DPP4: variants seen among roughly 807,000 people sequenced by gnomAD.
DPP4 encodes the protein ADCP-2.
DPP4 carries 93 observed loss-of-function variants against 122.4 expected under a neutral mutation model. The ratio of observed to expected loss-of-function variants is 0.76; its 90% CI spans 0.64 to 0.90. The LOEUF is 0.90. DPP4 is among the 40% of genes least tolerant of loss of function. The pLI is 0.00. For synonymous variants in DPP4, 321 were observed against 302.9 expected, an observed-to-expected ratio of 1.06 and a Z score of -0.62; for missense variants, 914 against 907.3, an observed-to-expected ratio of 1.01 and a Z score of -0.09.
chr2:162,030,381 C>T (rs1178499117), intron 10 of DPP4, among the ~76,000 whole-genome samples: 1 of 152,200 alleles, frequency 6.6e-6, no homozygotes, highest in Admixed American at 6.5e-5. Flanking sequence ...TAATTCCTAA[C>T]AAAGTCACAA....
chr2:162,008,475 C>T, intron 22 of DPP4, 87 bp downstream of exon 22: 5 of 1,137,164 alleles, frequency 4.4e-6, no homozygotes, highest in South Asian at 3.8e-5. Flanking sequence ...GCTGTAAAAA[C>T]ACTGAAACTC....
intron 10 of DPP4, among the ~76,000 whole-genome samples, chr2:162,031,563 G>GA (rs1683551317): frequency 6.6e-6 from 1 of 152,134 alleles, no homozygotes; most frequent in South Asian, 2.1e-4. Context: ...CTTCTCCTGG[G>GA]AAGCACTGAC....
intron 12 of DPP4, among the ~76,000 whole-genome samples, chr2:162,021,036 T>C (rs1683107564): frequency 6.6e-6 from 1 of 152,198 alleles, no homozygotes; most frequent in African/African-American, 2.4e-5. Context: ...AACCTTTCAG[T>C]TTGGAGCAGT....
intron 2 of DPP4, among the ~76,000 whole-genome samples, chr2:162,069,403 C>T (rs1438742034): frequency 2.0e-5 from 3 of 152,310 alleles, no homozygotes; most frequent in South Asian, 2.1e-4. Context: ...TTGAAAGACA[C>T]GATCCAGCTC....
At chr2:162,030,408 T>G (rs545041343) in intron 10 of DPP4, among the ~76,000 whole-genome samples, 24 of 152,298 alleles carry the variant, frequency 1.6e-4, no homozygotes, top group African/African-American at 5.8e-4. Flanking sequence ...CTCATCCTCC[T>G]GTGGATTTCA....
intron 16 of DPP4, 44 bp downstream of exon 16, chr2:162,018,685 G>A (rs1304006226): frequency 6.2e-7 from 1 of 1,602,314 alleles, no homozygotes; most frequent in Admixed American, 1.7e-5. Context: ...TTCGAAGTGA[G>A]TAACAGCGGC....
At chr2:162,038,185 T>C (rs1026297187) in intron 8 of DPP4, 117 bp downstream of exon 8, 13 of 1,022,614 alleles carry the variant, frequency 1.3e-5, no homozygotes, top group Middle Eastern at 3.4e-4. Flanking sequence ...TCTGATGACA[T>C]TTTAAACAAT....
chr2:162,071,751 T>C (rs956248603), intron 2 of DPP4, among the ~76,000 whole-genome samples: 17 of 152,162 alleles, frequency 1.1e-4, no homozygotes, highest in African/African-American at 4.1e-4. Context: ...AGATACCAGG[T>C]GCTATTTAGC....
chr2:162,036,054 A>G (rs140693942), intron 8 of DPP4, among the ~76,000 whole-genome samples: 204 of 152,272 alleles, frequency 1.3e-3, no homozygotes, highest in Admixed American at 3.0e-3. Context: ...GCTCTTCCCT[A>G]TGATTATTAT....
At chr2:162,015,658 A>G (rs935333487) in intron 18 of DPP4, among the ~76,000 whole-genome samples, 2 of 151,896 alleles carry the variant, frequency 1.3e-5, no homozygotes, top group African/African-American at 2.4e-5. Flanking sequence ...TCCTTTCTGT[A>G]CTTTGAATGG....
chr2:162,058,903 A>C (rs2106150060), intron 2 of DPP4, among the ~76,000 whole-genome samples: 1 of 152,336 alleles, frequency 6.6e-6, no homozygotes, highest in Non-Finnish European at 1.5e-5. Flanking sequence ...ATTAAAGCAA[A>C]AACAAAAACT....
chr2:161,998,480 C>CCACCT (rs577002831), intron 23 of DPP4, among the ~76,000 whole-genome samples: 29 of 152,260 alleles, frequency 1.9e-4, no homozygotes, highest in Admixed American at 1.2e-3. Flanking sequence ...TACAACTGTG[C>CCACCT]CACCTCACCT....
intron 2 of DPP4, 197 bp downstream of exon 2, chr2:162,073,202 G>A: frequency 1.9e-6 from 1 of 526,038 alleles, no homozygotes; most frequent in East Asian, 2.8e-5. Flanking sequence ...AAGAGTTTCA[G>A]CCTAAACACT....
intron 8 of DPP4, among the ~76,000 whole-genome samples, chr2:162,036,960 TAA>T (rs1559717455): frequency 6.6e-6 from 1 of 152,260 alleles, no homozygotes; most frequent in Non-Finnish European, 1.5e-5. Context: ...TGCAATTACA[TAA>T]AATCAATATA....
In DPP4 at chr2:162,039,035, G is replaced by T. The variant is rs1683892834; in HGVS notation, c.420-14C>A. On this transcript the variant is annotated splice_polypyrimidine_tract_variant and intron_variant, in intron 6 of 25. Coordinates refer to ENST00000360534, the MANE Select transcript of DPP4 (RefSeq NM_001935.4). ...GTAATCAGCTGCCTGGAAAAAAGAT[G>T]AAAGGAAATATTATCAAAAAGAATA... 2 of 1,613,230 alleles carry T rather than the reference G, an allele frequency of 1.2e-6. No homozygotes were observed. The highest frequency in any genetic ancestry group is 1.7e-6 in the Non-Finnish European group (2 of 1,179,388).
intron 2 of DPP4, among the ~76,000 whole-genome samples, chr2:162,056,225 G>GTGCC (rs1684570371): frequency 6.6e-6 from 1 of 152,198 alleles, no homozygotes; most frequent in Admixed American, 6.5e-5. Context: ...TGTTCACTGT[G>GTGCC]TGCCTCCCTT....
intron 9 of DPP4, among the ~76,000 whole-genome samples, chr2:162,034,039 A>G (rs980305972): frequency 2.6e-5 from 4 of 151,938 alleles, no homozygotes; most frequent in Non-Finnish European, 5.9e-5. Context: ...TCTCCCTGAG[A>G]CCAAAAGTCT....
At chr2:162,049,459 C>A (rs1684306330) in intron 2 of DPP4, among the ~76,000 whole-genome samples, 1 of 148,360 alleles carries the variant, frequency 6.7e-6, no homozygotes, top group Non-Finnish European at 1.5e-5. Flanking sequence ...GAGGAACAAC[C>A]AACACTGAGG....
chr2:162,009,270 C>G lies in DPP4; in HGVS notation c.1858G>C (p.Asp620His). ...CCCCAAATTGCAATTCGTTTGTTGTCCACAAATCCCATTTTTGAAAATTGT... is the reference window on the plus strand; with the variant it reads ...CCCCAAATTGCAATTCGTTTGTTGTGCACAAATCCCATTTTTGAAAATTGT... ...ARQFSKMGFV[D>H]NKRIAIWGWS... Residue 620 changes from aspartate (D) to histidine (H), a missense_variant, in exon 21 of 26, where the codon GAC (aspartate) becomes CAC (histidine). Physicochemically the swap from Asp to His is moderately conservative, Grantham distance 81. Coordinates refer to ENST00000360534, the MANE Select transcript of DPP4 (RefSeq NM_001935.4). 1 of 1,613,738 alleles carries G rather than the reference C, an allele frequency of 6.2e-7. No homozygotes were observed. The highest frequency in any genetic ancestry group is 8.5e-7 in the Non-Finnish European group (1 of 1,179,756).
Sources: gnomAD v4.1 joint callset for allele counts (sites outside exome capture counted in the v4.1 genomes callset) on GRCh38, gnomAD v4.1.1 for gene constraint, MANE v1.5 for transcripts, NCBI Gene and HGNC (gene_info 2026-07-23, HGNC 2026-07-21) for gene names.